Variants in RBFOX1 observed in about 807,000 individuals in gnomAD.
RBFOX1 encodes the protein RNA binding protein fox-1 homolog 1.
In RBFOX1, 8 loss-of-function variants were observed where a neutral mutation model predicts 57.7. That is an observed-to-expected ratio of 0.14 (90% CI 0.08 to 0.25). The LOEUF (loss-of-function observed/expected upper bound fraction) is 0.25, where lower values mean the gene tolerates loss of function less well. Among genes scored for constraint, RBFOX1 ranks in the 10% least tolerant of loss-of-function variants. The pLI is 1.00. For missense variants in RBFOX1, 611 were observed against 548.5 expected (o/e 1.11, Z -1.14); for synonymous variants, 326 against 222.4 (o/e 1.47, Z -4.15).
At chr16:7,464,281 A>G (rs1004958258) in intron 4 of RBFOX1, among the ~76,000 whole-genome samples, 1 of 152,214 alleles carries the variant, frequency 6.6e-6, no homozygotes, top group Non-Finnish European at 1.5e-5. Context: ...GCTCCCCAGT[A>G]GGAGCCAGTG....
intron 3 of RBFOX1, among the ~76,000 whole-genome samples, chr16:6,846,463 G>C (rs1232645569): frequency 6.6e-6 from 1 of 152,142 alleles, no homozygotes; most frequent in African/African-American, 2.4e-5. Flanking sequence ...GAAGACACCT[G>C]GGTCATAATG....
At chr16:6,846,320 A>G (rs990701670) in intron 3 of RBFOX1, among the ~76,000 whole-genome samples, 1 of 152,116 alleles carries the variant, frequency 6.6e-6, no homozygotes, top group South Asian at 2.1e-4. Flanking sequence ...TCACAGACTC[A>G]CTCAACATGG....
chr16:7,215,309 C>T (rs891304239), intron 4 of RBFOX1, among the ~76,000 whole-genome samples: 7 of 152,176 alleles, frequency 4.6e-5, no homozygotes, highest in African/African-American at 1.2e-4. Context: ...CCAGCCATCC[C>T]ATTACTGGGT....
Position 6,312,699 on chromosome 16 carries a change from TCCTTCCTTCCTTCCTC to T in RBFOX1, c.-126-4294_-126-4279del, listed in dbSNP as rs1328917935. Reference sequence around the variant, plus strand: ...TTCCTTCCTTCCTTCCTTCCTTCCTTCCTTCCTTCCTTCCTCCATTCCTTCCTTCCTTCCTTACTTC... The same window carrying T: ...TTCCTTCCTTCCTTCCTTCCTTCCTTCATTCCTTCCTTCCTTCCTTACTTC... On this transcript the variant is annotated intron_variant, in intron 1 of 15. Transcript: ENST00000550418. Among the ~76,000 whole-genome samples the T allele has an allele frequency of 3.5e-4, 51 of 144,468 alleles. No individual in the cohort carries two copies. The Admixed American group carries it at 3.6e-3, about 10-fold the overall frequency. The allele number at this position is 144,468 out of a possible 152,430, so 94.8% of individuals were successfully genotyped here.
intron 3 of RBFOX1, among the ~76,000 whole-genome samples, chr16:7,008,005 G>C (rs761769329): frequency 6.6e-6 from 1 of 152,164 alleles, no homozygotes; most frequent in Non-Finnish European, 1.5e-5. Flanking sequence ...CCAGTATAAT[G>C]TTGGGCATTG....
Position 7,201,261 on chromosome 16 carries a change from C to T in RBFOX1, c.27+149163C>T, listed in dbSNP as rs113769012. Among the ~76,000 whole-genome samples the T allele has an allele frequency of 2.3e-3, 343 of 152,190 alleles. 1 individual carries two copies. Among genetic ancestry groups the T allele is most frequent in the African/African-American group, 7.6e-3 (317 of 41,530 alleles). On this transcript the variant is annotated intron_variant, in intron 4 of 15. Coordinates refer to ENST00000550418, the MANE Select transcript of RBFOX1 (RefSeq NM_018723.4). ...GAATGCCAGATACCAAAGTGAGCAA[C>T]ACAGCATAGCAGAGAAACAACGGAG...
intron 1 of RBFOX1, among the ~76,000 whole-genome samples, chr16:5,329,737 C>T (rs112586096): frequency 3.9e-5 from 6 of 152,314 alleles, no homozygotes; most frequent in South Asian, 2.1e-4. Context: ...CGGTGGCTTA[C>T]GCCTGTAATC....
At chr16:7,426,012 C>A (rs56382539) in intron 4 of RBFOX1, among the ~76,000 whole-genome samples, 1 of 152,174 alleles carries the variant, frequency 6.6e-6, no homozygotes. Context: ...TTCAAGGCGG[C>A]ATCTGGGCCT....
intron 4 of RBFOX1, among the ~76,000 whole-genome samples, chr16:5,967,212 A>G (rs1168375085): frequency 6.6e-6 from 1 of 152,192 alleles, no homozygotes; most frequent in Non-Finnish European, 1.5e-5. Context: ...CAGTCCCAGG[A>G]CTAGACCAGA....
At chr16:6,168,000 G>A (rs921038442) in intron 1 of RBFOX1, among the ~76,000 whole-genome samples, 3 of 152,156 alleles carry the variant, frequency 2.0e-5, no homozygotes, top group Admixed American at 1.3e-4. Context: ...TTAGTGAAAT[G>A]TCATTAGAGC....
chr16:6,995,563 C>A (rs1026422160), intron 3 of RBFOX1, among the ~76,000 whole-genome samples: 6 of 152,012 alleles, frequency 3.9e-5, no homozygotes, highest in Admixed American at 3.9e-4. Context: ...TCAGGATCAC[C>A]AGCATGGGCA....
At chr16:7,627,296 C>T (rs1277744953) in intron 10 of RBFOX1, among the ~76,000 whole-genome samples, 1 of 151,578 alleles carries the variant, frequency 6.6e-6, no homozygotes, top group East Asian at 1.9e-4. Context: ...GAATCATTGC[C>T]TACTGGCTGT....
At chr16:7,561,302 T>G (rs1448051593) in intron 5 of RBFOX1, among the ~76,000 whole-genome samples, 2 of 152,240 alleles carry the variant, frequency 1.3e-5, no homozygotes, top group African/African-American at 2.4e-5. Flanking sequence ...TGGCTTATGA[T>G]GCCCAACTAT....
At chr16:5,543,634 C>T (rs1313028382) in intron 2 of RBFOX1, among the ~76,000 whole-genome samples, 1 of 152,084 alleles carries the variant, frequency 6.6e-6, no homozygotes, top group Admixed American at 6.6e-5. Flanking sequence ...CAGATAGTGG[C>T]TTAAAATTTT....
chr16:6,035,634 A>G (rs2152400004), intron 1 of RBFOX1, among the ~76,000 whole-genome samples: 1 of 152,336 alleles, frequency 6.6e-6, no homozygotes, highest in Non-Finnish European at 1.5e-5. Flanking sequence ...GGGAGGCATC[A>G]GCCCTCCCAG....
intron 1 of RBFOX1, among the ~76,000 whole-genome samples, chr16:5,249,972 AG>A (rs1160451503): frequency 6.6e-6 from 1 of 151,860 alleles, no homozygotes; most frequent in African/African-American, 2.4e-5. Flanking sequence ...GGTTGCAGTG[AG>A]GAGCAGATTG....
At chr16:7,283,436 A>C (rs2095587796) in intron 4 of RBFOX1, among the ~76,000 whole-genome samples, 1 of 152,074 alleles carries the variant, frequency 6.6e-6, no homozygotes, top group Non-Finnish European at 1.5e-5. Flanking sequence ...CTCACTAGGT[A>C]GATGATGGTG....
chr16:5,754,487 G>A (rs1221397605), intron 3 of RBFOX1, among the ~76,000 whole-genome samples: 1 of 147,162 alleles, frequency 6.8e-6, no homozygotes, highest in Non-Finnish European at 1.5e-5. Flanking sequence ...TATAGAGAAA[G>A]AAATAAGGGG....
chr16:6,306,216 A>G (rs1182056876), intron 1 of RBFOX1, among the ~76,000 whole-genome samples: 1 of 152,134 alleles, frequency 6.6e-6, no homozygotes, highest in African/African-American at 2.4e-5. Flanking sequence ...ATGCAATGAC[A>G]AGGGAACCTG....
Sources: allele counts gnomAD v4.1 joint callset (sites outside exome capture counted in the v4.1 genomes callset), GRCh38; gene constraint gnomAD v4.1.1; transcripts MANE v1.5; gene names NCBI Gene and HGNC (gene_info 2026-07-23, HGNC 2026-07-21).